PHACTR4: variants seen among roughly 807,000 people sequenced by gnomAD.
PHACTR4 encodes the protein phosphatase and actin regulator 4.
Under a neutral mutation model 72.7 loss-of-function variants are expected in PHACTR4, and 51 were observed. The ratio of observed to expected loss-of-function variants is 0.70; its 90% CI spans 0.56 to 0.89. PHACTR4 has a LOEUF of 0.89. Among genes scored for constraint, PHACTR4 ranks in the 40% least tolerant of loss-of-function variants. The pLI, the probability that PHACTR4 is intolerant of heterozygous loss-of-function variation, is 0.00. For synonymous variants in PHACTR4, 255 were observed against 302.5 expected, an observed-to-expected ratio of 0.84 and a Z score of 1.63; for missense variants, 731 against 861.8, an observed-to-expected ratio of 0.85 and a Z score of 1.90.
intron 2 of PHACTR4, chr1:28,422,670 T>G (rs1465543504): frequency 6.6e-6 from 1 of 152,244 alleles, no homozygotes; most frequent in East Asian, 1.9e-4. Flanking sequence ...TTTCTTTTCC[T>G]GTATCTGTGT....
Position 28,497,544 on chromosome 1 carries a change from A to AG in PHACTR4, c.*995_*996insG, listed in dbSNP as rs1661430680. 6.6e-6 allele frequency: 1 copy of AG among 151,674 alleles called. No homozygotes were observed. The allele number at this position is 151,674 out of a possible 1,614,324, so 9.4% of individuals were successfully genotyped here. A position where few individuals can be genotyped will look rare whatever the true frequency, so the allele number is the denominator to read the frequency against. ...GACTCTGTCTTAAAAAAAAAAAAAA[A>AG]AAAAAAATCGGTTAGATGAGAAAGC... On this transcript the variant is annotated 3_prime_UTR_variant, in exon 14 of 14. Transcript: ENST00000373839.
At chr1:28,392,445 C>T (rs1418001108) in intron 1 of PHACTR4, among the ~76,000 whole-genome samples, 1 of 151,390 alleles carries the variant, frequency 6.6e-6, no homozygotes, top group Admixed American at 6.6e-5. Context: ...CTCTGTTGCC[C>T]AGACTGGAGT....
intron 9 of PHACTR4, among the ~76,000 whole-genome samples, chr1:28,482,823 C>T (rs1660362340): frequency 6.6e-6 from 1 of 151,612 alleles, no homozygotes. Flanking sequence ...ACCTCTAGTC[C>T]AGCTATTCTG....
chr1:28,395,063 A>G lies in PHACTR4; in HGVS notation c.-38-12347A>G, dbSNP rs184397226. 6.0e-3 allele frequency among the ~76,000 whole-genome samples: 897 copies of G among 149,384 alleles called. 4 individuals are homozygous for G. Among genetic ancestry groups the G allele is most frequent in the African/African-American group, 0.021 (855 of 40,488 alleles). ...TGAGTAGCTGGGATTACAGGCGCCC[A>G]CCACCACCCTGGCTAATTTTTGTAC... On this transcript the variant is annotated intron_variant, in intron 1 of 13. Coordinates refer to ENST00000373839, the MANE Select transcript of PHACTR4 (RefSeq NM_001048183.3).
intron 5 of PHACTR4, 108 bp from the exon 6 acceptor site, chr1:28,466,274 C>T: frequency 7.9e-7 from 1 of 1,258,818 alleles, no homozygotes; most frequent in Non-Finnish European, 1.1e-6. Context: ...ATAAGCTAAT[C>T]TATAAATTAA....
intron 1 of PHACTR4, among the ~76,000 whole-genome samples, chr1:28,388,720 T>G (rs1236620768): frequency 6.6e-6 from 1 of 152,160 alleles, no homozygotes; most frequent in East Asian, 1.9e-4. Context: ...CGTGGTGGTG[T>G]GCACCTGTAG....
intron 9 of PHACTR4, among the ~76,000 whole-genome samples, chr1:28,487,518 C>CAA (rs796633179): frequency 0.13 from 9,836 of 75,046 alleles, 587 homozygotes; most frequent in Middle Eastern, 0.18. Context: ...GACACACACA[C>CAA]AAAAAAAAAA....
intron 1 of PHACTR4, among the ~76,000 whole-genome samples, chr1:28,390,749 C>T (rs1038872313): frequency 6.6e-6 from 1 of 151,912 alleles, no homozygotes; most frequent in African/African-American, 2.4e-5. Context: ...GCCGAGATCA[C>T]GCCACTGCGC....
intron 1 of PHACTR4, among the ~76,000 whole-genome samples, chr1:28,396,634 T>A (rs1227879736): frequency 1.3e-5 from 2 of 151,902 alleles, no homozygotes. Flanking sequence ...GATACCTTAT[T>A]ACTTTCTTAA....
chr1:28,485,547 C>T (rs1660584030), intron 9 of PHACTR4, among the ~76,000 whole-genome samples: 1 of 149,748 alleles, frequency 6.7e-6, no homozygotes, highest in Non-Finnish European at 1.5e-5. Context: ...GGATCCCGTG[C>T]CACTGCACTC....
chr1:28,476,027 C>G (rs1659895220), intron 7 of PHACTR4, 80 bp from the exon 8 acceptor site: 1 of 1,392,014 alleles, frequency 7.2e-7, no homozygotes. Flanking sequence ...CACGCCCAGT[C>G]TTTATTTCAG....
intron 2 of PHACTR4, 126 bp from the exon 3 acceptor site, chr1:28,458,959 T>C (rs1658603131): frequency 3.9e-6 from 3 of 767,580 alleles, no homozygotes; most frequent in Non-Finnish European, 6.0e-6. Flanking sequence ...TCTCCCTGTC[T>C]GCATGATTGT....
At chr1:28,495,216 C>T (rs1003498407) in intron 13 of PHACTR4, among the ~76,000 whole-genome samples, 1 of 152,126 alleles carries the variant, frequency 6.6e-6, no homozygotes, top group Admixed American at 6.6e-5. Flanking sequence ...GTGCTAGGTC[C>T]TTGGGCTACA....
At chr1:28,457,214 G>A (rs1225372970) in intron 2 of PHACTR4, 2 of 388,188 alleles carry the variant, frequency 5.2e-6, no homozygotes, top group Non-Finnish European at 1.1e-5. Context: ...TCAATCAAGT[G>A]AAAAAAAGAT....
At chr1:28,400,391 AAAG>A (rs1212327424) in intron 1 of PHACTR4, among the ~76,000 whole-genome samples, 46 of 151,740 alleles carry the variant, frequency 3.0e-4, no homozygotes, top group Admixed American at 1.8e-3. Flanking sequence ...AAAAAAAAAA[AAAG>A]AGAAATCTGG....
chr1:28,477,222 A>G (rs1659983423), intron 8 of PHACTR4, among the ~76,000 whole-genome samples: 1 of 151,642 alleles, frequency 6.6e-6, no homozygotes, highest in African/African-American at 2.4e-5. Context: ...AGTAGCTGGG[A>G]TTACAGGCGT....
chr1:28,437,230 T>C (rs1389643666), intron 2 of PHACTR4, among the ~76,000 whole-genome samples: 1 of 152,096 alleles, frequency 6.6e-6, no homozygotes, highest in East Asian at 1.9e-4. Flanking sequence ...TTCTTTTATT[T>C]TTATTTATTT....
chr1:28,454,433 C>A (rs1218657380), intron 2 of PHACTR4, among the ~76,000 whole-genome samples: 1 of 151,710 alleles, frequency 6.6e-6, no homozygotes. Flanking sequence ...CCCGCCACTG[C>A]GCCCGGCTAA....
rs568911963 is a variant in PHACTR4, at chr1:28,411,211, T to C, written c.16+3748T>C. 1.8e-3 allele frequency among the ~76,000 whole-genome samples: 278 copies of C among 151,664 alleles called. 1 individual carries two copies. Among genetic ancestry groups the C allele is most frequent in the Middle Eastern group, 3.4e-3 (1 of 294 alleles). ...ACAGGCACCTGCCACCACACCCAAC[T>C]AATTTTTGTATTTTTAATAGAGACG... On this transcript the variant is annotated intron_variant, in intron 2 of 13. Transcript: ENST00000373839.
Sources: allele counts gnomAD v4.1 joint callset (sites outside exome capture counted in the v4.1 genomes callset), GRCh38; gene constraint gnomAD v4.1.1; transcripts MANE v1.5; gene names NCBI Gene and HGNC (gene_info 2026-07-23, HGNC 2026-07-21).